Variants in SYBU observed in about 807,000 individuals in gnomAD.
SYBU encodes GOLSYN A protein.
A neutral mutation model predicts 35.9 loss-of-function variants in SYBU; 21 were observed. That is an observed-to-expected ratio of 0.58 (90% CI 0.41 to 0.84). SYBU has a LOEUF of 0.84. SYBU is among the 40% of genes least tolerant of loss of function. The pLI is 0.00. For missense variants in SYBU, 768 were observed against 848.2 expected, an observed-to-expected ratio of 0.91 and a Z score of 1.17; for synonymous variants, 319 against 324.3, an observed-to-expected ratio of 0.98 and a Z score of 0.18.
chr8:109,684,145 G>A (rs1817466645), upstream of SYBU, among the ~76,000 whole-genome samples: 1 of 152,192 alleles, frequency 6.6e-6, no homozygotes, highest in Non-Finnish European at 1.5e-5. Flanking sequence ...TTCCAATAAG[G>A]AAAATAAGTG....
At chr8:109,612,715 C>A (rs1222807006) in intron 3 of SYBU, among the ~76,000 whole-genome samples, 1 of 137,982 alleles carries the variant, frequency 7.2e-6, no homozygotes, top group African/African-American at 3.0e-5. Context: ...TGCGGTGGCT[C>A]ACGCCTGTAA....
intron 1 of SYBU, among the ~76,000 whole-genome samples, chr8:109,672,190 C>A (rs1432201463): frequency 1.3e-5 from 2 of 152,154 alleles, no homozygotes; most frequent in African/African-American, 2.4e-5. Flanking sequence ...TGTGAGCCAC[C>A]AAGCCCAGCC....
intron 3 of SYBU, among the ~76,000 whole-genome samples, chr8:109,601,640 C>T (rs1825534051): frequency 6.6e-6 from 1 of 152,034 alleles, no homozygotes; most frequent in South Asian, 2.1e-4. Context: ...AGAGATGACA[C>T]TTGAGATGGC....
At chr8:109,657,091 T>A (rs1332454326) in intron 1 of SYBU, among the ~76,000 whole-genome samples, 2 of 152,226 alleles carry the variant, frequency 1.3e-5, no homozygotes, top group East Asian at 3.9e-4. Context: ...TAAATGAAAA[T>A]TAAGCATCTC....
chr8:109,604,723 C>T (rs929718900), intron 3 of SYBU, among the ~76,000 whole-genome samples: 2 of 152,168 alleles, frequency 1.3e-5, no homozygotes, highest in Admixed American at 6.6e-5. Context: ...GATTCTAAAC[C>T]ATTGCCCTCT....
chr8:109,575,587 G>C lies in SYBU; in HGVS notation c.1311C>G (p.Asn437Lys). 6.2e-7 allele frequency: 1 copy of C among 1,614,110 alleles called. No homozygotes were observed. The highest frequency in any genetic ancestry group is 1.1e-5 in the South Asian group (1 of 91,080). The change falls in exon 7 of 7, where the codon AAC (asparagine) becomes AAG (lysine). Residue 437 changes from asparagine (N) to lysine (K), a missense_variant. Transcript: ENST00000276646. Reference sequence around the variant, plus strand: ...CTATCTCATCGAACAAATCTGTGCTGTTGGCTATGCTATCTCCTACCAGTA... The same window carrying C: ...CTATCTCATCGAACAAATCTGTGCTCTTGGCTATGCTATCTCCTACCAGTA... Reference protein sequence around the residue: ...RELLVGDSIANSTDLFDEIVT... With the variant: ...RELLVGDSIAKSTDLFDEIVT...
intron 3 of SYBU, among the ~76,000 whole-genome samples, chr8:109,617,919 A>G (rs969561486): frequency 1.3e-5 from 2 of 152,230 alleles, no homozygotes; most frequent in Admixed American, 6.5e-5. Context: ...GCAGAAAGAA[A>G]TGTTAGCATC....
At chr8:109,668,165 G>GGAGAGAGAGAAAGGGGATAGAGAGAGAGA (rs1338581968) in intron 1 of SYBU, among the ~76,000 whole-genome samples, 1 of 88,990 alleles carries the variant, frequency 1.1e-5, no homozygotes. Context: ...GGGGAGAGGG[G>GGAGAGAGAGAAAGGGGATAGAGAGAGAGA]GAGAGAGAGA....
intron 1 of SYBU, among the ~76,000 whole-genome samples, chr8:109,660,657 A>G (rs1816527972): frequency 8.0e-6 from 1 of 125,048 alleles, no homozygotes. Context: ...AAAAACAAAC[A>G]CATCTATTAA....
Position 109,588,218 on chromosome 8 carries a change from C to G in SYBU, c.428-2056G>C, listed in dbSNP as rs554382728. ...CAAAAGCCCATCGATTATAATTGAACTGCTTGCCTAAAAGCAGAAATTCTA... is the reference window on the plus strand; with the variant it reads ...CAAAAGCCCATCGATTATAATTGAAGTGCTTGCCTAAAAGCAGAAATTCTA... On this transcript the variant is annotated intron_variant, in intron 3 of 6. Coordinates refer to ENST00000276646, the MANE Select transcript of SYBU (RefSeq NM_001099754.2). Among the ~76,000 whole-genome samples the G allele has an allele frequency of 2.6e-5, 4 of 152,336 alleles. No homozygotes were observed. In the East Asian group the frequency reaches 7.7e-4, roughly 29 times the overall value.
intron 3 of SYBU, among the ~76,000 whole-genome samples, chr8:109,592,222 C>A (rs543751631): frequency 3.3e-4 from 50 of 152,242 alleles, no homozygotes; most frequent in South Asian, 6.2e-4. Flanking sequence ...TTTTTCTACT[C>A]ATACATTTTT....
chr8:109,646,799 C>A (rs1445393972), upstream of SYBU: 1 of 152,224 alleles, frequency 6.6e-6, no homozygotes, highest in African/African-American at 2.4e-5. Flanking sequence ...GGACTTTTTT[C>A]TCTCATTCAC....
chr8:109,613,278 G>A (rs1015970749), intron 3 of SYBU, among the ~76,000 whole-genome samples: 1 of 152,168 alleles, frequency 6.6e-6, no homozygotes, highest in Non-Finnish European at 1.5e-5. Context: ...AGAATGTGTG[G>A]CATCTATTTT....
upstream of SYBU, chr8:109,646,030 A>G (rs923139924): frequency 6.6e-6 from 1 of 152,218 alleles, no homozygotes; most frequent in African/African-American, 2.4e-5. Context: ...CAGAAAAAGC[A>G]TTTGTGATGC....
At chr8:109,596,036 G>A (rs1824837287) in intron 3 of SYBU, among the ~76,000 whole-genome samples, 1 of 152,198 alleles carries the variant, frequency 6.6e-6, no homozygotes, top group African/African-American at 2.4e-5. Flanking sequence ...TGTCTGAAGT[G>A]ATTCCACTGA....
chr8:109,583,445 G>C (rs1823262982), intron 4 of SYBU, among the ~76,000 whole-genome samples: 1 of 152,192 alleles, frequency 6.6e-6, no homozygotes. Flanking sequence ...TATCAGCAGA[G>C]TTGCCCTTCT....
At chr8:109,611,433 G>A (rs1563720367) in intron 3 of SYBU, among the ~76,000 whole-genome samples, 1 of 138,604 alleles carries the variant, frequency 7.2e-6, no homozygotes, top group Non-Finnish European at 1.5e-5. Context: ...ATGTAACCCT[G>A]CCATAAAGAT....
Position 109,635,003 on chromosome 8 carries a change from C to T in SYBU, c.229+7725G>A, listed in dbSNP as rs149230069. ...TATCAAATACCTGCCACTTGATAAA[C>T]ACCTGATTTTCACTGTAAATGCAAT... On this transcript the variant is annotated intron_variant, in intron 2 of 6. Coordinates refer to ENST00000276646, the MANE Select transcript of SYBU (RefSeq NM_001099754.2). Among the ~76,000 whole-genome samples the T allele has an allele frequency of 4.4e-4, 67 of 152,306 alleles. 1 individual carries two copies. The highest frequency in any genetic ancestry group is 1.6e-3 in the African/African-American group (65 of 41,566).
intron 1 of SYBU, among the ~76,000 whole-genome samples, chr8:109,689,832 GA>G (rs544879954): frequency 0.32 from 33,130 of 102,110 alleles, 3,767 homozygotes; most frequent in Middle Eastern, 0.39. Flanking sequence ...ACTACAATAT[GA>G]AAAAAAAAAA....
Sources: allele counts gnomAD v4.1 joint callset (sites outside exome capture counted in the v4.1 genomes callset), GRCh38; gene constraint gnomAD v4.1.1; transcripts MANE v1.5; gene names NCBI Gene and HGNC (gene_info 2026-07-23, HGNC 2026-07-21).